ZNF185: variants seen among roughly 807,000 people sequenced by gnomAD.
ZNF185 encodes the protein zinc finger protein 185.
In ZNF185, 56 loss-of-function variants were observed where a neutral mutation model predicts 58.6. The ratio of observed to expected loss-of-function variants is 0.95; its 90% CI spans 0.77 to 1.19. ZNF185 has a LOEUF of 1.19. ZNF185 is among the 50% of genes most tolerant of loss of function. The probability of loss-of-function intolerance (pLI) is 0.00; values close to 1 mark genes in which losing one functional copy is unlikely to be tolerated. For synonymous variants in ZNF185, 230 were observed against 215.9 expected (o/e 1.07, Z -0.57); for missense variants, 627 against 573.5 (o/e 1.09, Z -0.95).
At chrX:152,957,904 G>C (rs1556906216) in intron 16 of ZNF185, among the ~76,000 whole-genome samples, 1 of 112,647 alleles carries the variant, frequency 8.9e-6, no homozygotes, top group African/African-American at 3.2e-5. Context: ...CACAGAGAGA[G>C]AGAAGCCTGA....
At chrX:152,928,709 G>T in intron 12 of ZNF185, 48 bp downstream of exon 13, 2 of 1,157,078 alleles carry the variant, frequency 1.7e-6, no homozygotes. Context: ...CCATTCTAGA[G>T]ATGGAAGCAG....
At chrX:152,934,553 C>T (rs2046043802) in intron 14 of ZNF185, among the ~76,000 whole-genome samples, 1 of 111,843 alleles carries the variant, frequency 8.9e-6, no homozygotes, top group Non-Finnish European at 1.9e-5. Context: ...GGATTGGTTC[C>T]AGAACCTCAC....
intron 16 of ZNF185, among the ~76,000 whole-genome samples, chrX:152,956,967 C>G (rs1556905368): frequency 8.9e-6 from 1 of 112,009 alleles, no homozygotes; most frequent in East Asian, 2.8e-4. Context: ...GATTAGTGCT[C>G]TAAGAAAACC....
intron 22 of ZNF185, 50 bp downstream of exon 24, chrX:152,970,591 G>T (rs782553640): frequency 1.9e-6 from 2 of 1,072,894 alleles, no homozygotes; most frequent in African/African-American, 3.6e-5. Flanking sequence ...TCATTAAGGA[G>T]TAGAGATGCA....
At chrX:152,968,592 C>CA (rs1217310416) in intron 20 of ZNF185, among the ~76,000 whole-genome samples, 1 of 112,737 alleles carries the variant, frequency 8.9e-6, no homozygotes, top group Admixed American at 9.3e-5. Context: ...CCTGGGCCAG[C>CA]AGCAGGATGG....
exon 16 of ZNF185, chrX:152,945,425 G>A: frequency 8.3e-7 from 1 of 1,206,904 alleles, no homozygotes; most frequent in Non-Finnish European, 1.1e-6. Flanking sequence ...AGCCCCAGCG[G>A]ATCTGAGCAA....
Position 152,959,715 on chromosome X carries a change from G to T in ZNF185, c.1426G>T (p.Glu476Ter). The change falls in exon 17 of 23, where the codon GAG becomes TAG. Residue 476 changes from glutamate (E) to a stop codon, truncating the protein, a stop_gained. Transcript: ENST00000449285. LOFTEE classifies it high-confidence loss of function. ...CTTCCTCAGCGTGTTGACTGATTTT[G>T]AGGGGAAGGATGTGGCCACCAAGGT... The T allele has an allele frequency of 1.7e-6, 2 of 1,211,298 alleles. No individual in the cohort carries two copies. Among genetic ancestry groups the T allele is most frequent in the Non-Finnish European group, 2.2e-6 (2 of 895,182 alleles).
chrX:152,936,500 C>G (rs892331297), intron 14 of ZNF185: 1 of 1,166,291 alleles, frequency 8.6e-7, no homozygotes, highest in Non-Finnish European at 1.1e-6. Flanking sequence ...CAAGCCTAGA[C>G]CAGCAGCCAT....
At chrX:152,920,904 G>T (rs1939575583) in intron 9 of ZNF185, among the ~76,000 whole-genome samples, 156 bp downstream of exon 10, 1 of 112,587 alleles carries the variant, frequency 8.9e-6, no homozygotes, top group Admixed American at 9.3e-5. Flanking sequence ...GGGGGCTTCT[G>T]TCTGGAGGCC....
chrX:152,938,656 C>G (rs1276381127), intron 15 of ZNF185, among the ~76,000 whole-genome samples: 1 of 110,807 alleles, frequency 9.0e-6, no homozygotes, highest in Non-Finnish European at 1.9e-5. Flanking sequence ...CTTGATTGGC[C>G]TCTTGTACTG....
intron 16 of ZNF185, among the ~76,000 whole-genome samples, chrX:152,957,293 C>T (rs1223975960): frequency 9.3e-6 from 1 of 107,420 alleles, no homozygotes; most frequent in Non-Finnish European, 1.9e-5. Context: ...AGGCTGGTCT[C>T]GAACTCCCAG....
At position 152,917,184 on chromosome X, in the gene ZNF185, G is replaced by T. The variant is rs1938661911; in HGVS notation, c.263+15G>T. 1 of 1,209,689 alleles carries T rather than the reference G, an allele frequency of 8.3e-7. No individual in the cohort carries two copies. The highest frequency in any genetic ancestry group is 1.1e-6 in the Non-Finnish European group (1 of 895,086). On this transcript the variant is annotated intron_variant, in intron 4 of 22. Transcript: ENST00000449285. ...TACATCATCCGGTAAGTGACCGCAGGACTCTGCCGGCCTTCCTGTGCCCAC... is the reference window on the plus strand; with the variant it reads ...TACATCATCCGGTAAGTGACCGCAGTACTCTGCCGGCCTTCCTGTGCCCAC...
the ZNF185 span, among the ~76,000 whole-genome samples, chrX:152,898,922 A>G: frequency 8.9e-6 from 1 of 112,566 alleles, no homozygotes; most frequent in African/African-American, 3.2e-5. Context: ...CCGAAAGCTC[A>G]GGTGCTCCTG....
chrX:152,942,106 G>GT (rs781997901), intron 15 of ZNF185, among the ~76,000 whole-genome samples: 18 of 112,690 alleles, frequency 1.6e-4, no homozygotes, highest in African/African-American at 4.8e-4. Flanking sequence ...GTGGGGCAGT[G>GT]AGGAGGGGCT....
intron 17 of ZNF185, among the ~76,000 whole-genome samples, chrX:152,961,142 C>T (rs1430778465): frequency 8.9e-6 from 1 of 112,306 alleles, no homozygotes; most frequent in African/African-American, 3.2e-5. Context: ...AGTTCCAGGT[C>T]ATTCCCTTGA....
chrX:152,910,907 C>T (rs1937077091), upstream of ZNF185, among the ~76,000 whole-genome samples: 1 of 112,234 alleles, frequency 8.9e-6, no homozygotes, highest in Non-Finnish European at 1.9e-5. Context: ...GAGTGGAGGG[C>T]CACTCTGCCC....
chrX:152,935,281 G>T (rs1230682675), intron 14 of ZNF185, among the ~76,000 whole-genome samples: 1 of 103,277 alleles, frequency 9.7e-6, no homozygotes, highest in African/African-American at 3.6e-5. Context: ...TGTCCCCCAG[G>T]CTGGAGTGCA....
At chrX:152,942,225 T>G (rs1311999405) in intron 15 of ZNF185, among the ~76,000 whole-genome samples, 1 of 111,965 alleles carries the variant, frequency 8.9e-6, no homozygotes, top group African/African-American at 3.2e-5. Flanking sequence ...GTTTTAACTG[T>G]CCCAAACTGT....
the ZNF185 span, among the ~76,000 whole-genome samples, chrX:152,901,738 T>G: frequency 9.0e-6 from 1 of 111,657 alleles, no homozygotes; most frequent in African/African-American, 3.3e-5. Flanking sequence ...AGGTGTTTTC[T>G]TGATCACTTT....
Sources: gnomAD v4.1 joint callset for allele counts (sites outside exome capture counted in the v4.1 genomes callset) on GRCh38, gnomAD v4.1.1 for gene constraint, MANE v1.5 for transcripts, NCBI Gene and HGNC (gene_info 2026-07-23, HGNC 2026-07-21) for gene names.